The following SOX5 variants were observed in gnomAD, a reference collection of about 807,000 sequenced individuals.
The protein encoded by SOX5 is SRY-box transcription factor 5.
Under a neutral mutation model 92.0 loss-of-function variants are expected in SOX5, and 9 were observed. The ratio of observed to expected loss-of-function variants is 0.10; its 90% CI spans 0.06 to 0.17. The LOEUF is 0.17. Among genes scored for constraint, SOX5 ranks in the 10% least tolerant of loss-of-function variants. The pLI, the probability that SOX5 is intolerant of heterozygous loss-of-function variation, is 1.00. For synonymous variants in SOX5, 344 were observed against 336.3 expected (o/e 1.02, Z -0.25); for missense variants, 642 against 944.5 (o/e 0.68, Z 4.20).
intron 4 of SOX5, among the ~76,000 whole-genome samples, chr12:24,074,630 C>CAAAAAAAAAAAAA (rs76320418): frequency 3.3e-4 from 17 of 51,274 alleles, no homozygotes; most frequent in African/African-American, 6.0e-4. Flanking sequence ...TGTAAACTAC[C>CAAAAAAAAAAAAA]AAAAAAAAAA....
chr12:23,970,442 C>G (rs1948093734), intron 4 of SOX5, among the ~76,000 whole-genome samples: 1 of 152,056 alleles, frequency 6.6e-6, no homozygotes, highest in African/African-American at 2.4e-5. Flanking sequence ...TAAGGAATAA[C>G]ACCCCATTCT....
chr12:24,287,873 A>T (rs1946097746), intron 2 of SOX5, among the ~76,000 whole-genome samples: 1 of 152,072 alleles, frequency 6.6e-6, no homozygotes, highest in African/African-American at 2.4e-5. Context: ...ATGCAGCAGG[A>T]AACAGGCAAG....
intron 9 of SOX5, among the ~76,000 whole-genome samples, chr12:23,580,759 C>A (rs1158427067): frequency 1.3e-5 from 2 of 151,974 alleles, no homozygotes; most frequent in East Asian, 1.9e-4. Flanking sequence ...TGTCTGAAAG[C>A]TAACATCTCA....
chr12:23,626,360 T>C (rs966605391), intron 8 of SOX5, among the ~76,000 whole-genome samples: 2 of 152,196 alleles, frequency 1.3e-5, no homozygotes, highest in African/African-American at 4.8e-5. Context: ...ATGTTCTTAA[T>C]GTTCTTAGGT....
At chr12:24,039,607 T>C (rs1956338629) in intron 4 of SOX5, among the ~76,000 whole-genome samples, 1 of 152,220 alleles carries the variant, frequency 6.6e-6, no homozygotes. Flanking sequence ...AAAGTTCAAA[T>C]GGTTGCAAAA....
chr12:23,947,680 T>A (rs774865169), intron 1 of SOX5, among the ~76,000 whole-genome samples: 1 of 150,990 alleles, frequency 6.6e-6, no homozygotes, highest in Non-Finnish European at 1.5e-5. Flanking sequence ...ATTAGCTAGT[T>A]AGAAAAGCAT....
At chr12:24,370,742 A>T (rs1956657645) in intron 1 of SOX5, among the ~76,000 whole-genome samples, 1 of 152,232 alleles carries the variant, frequency 6.6e-6, no homozygotes, top group Non-Finnish European at 1.5e-5. Context: ...CAGTGAGCCG[A>T]GATCGTGCCA....
intron 4 of SOX5, among the ~76,000 whole-genome samples, chr12:24,205,119 C>T (rs1232978751): frequency 6.6e-6 from 1 of 152,086 alleles, no homozygotes; most frequent in Non-Finnish European, 1.5e-5. Context: ...AAGATTAAGC[C>T]GTGCCTTCTT....
intron 2 of SOX5, among the ~76,000 whole-genome samples, chr12:24,322,630 A>G (rs561023243): frequency 1.7e-4 from 26 of 152,256 alleles, no homozygotes; most frequent in Non-Finnish European, 3.5e-4. Context: ...TCTCACAAAC[A>G]TTATACTGAA....
chr12:24,521,194 A>T lies in SOX5; in HGVS notation c.-251+41135T>A, dbSNP rs571924541. The stretch of plus-strand genomic sequence containing the variant: ...CTCAGCCTCCCAAGTAGCTGGGATT[A>T]CAGGCGTTTGCCACCACACCCGGAT... On this transcript the variant is annotated intron_variant, in intron 1 of 4. Coordinates refer to the SOX5 transcript ENST00000446891. Among the ~76,000 whole-genome samples the T allele has an allele frequency of 2.0e-4, 30 of 152,190 alleles. 1 individual carries two copies. The highest frequency in any genetic ancestry group is 3.5e-4 in the Non-Finnish European group (24 of 68,038).
intron 1 of SOX5, among the ~76,000 whole-genome samples, chr12:24,489,611 A>G (rs986138906): frequency 2.1e-5 from 3 of 145,144 alleles, no homozygotes; most frequent in African/African-American, 7.8e-5. Context: ...ATGCTTCCAA[A>G]TAGCCAGGAA....
At chr12:24,354,890 T>C (rs1199056592) in intron 2 of SOX5, among the ~76,000 whole-genome samples, 2 of 152,182 alleles carry the variant, frequency 1.3e-5, no homozygotes, top group African/African-American at 4.8e-5. Flanking sequence ...TCAAGGATGC[T>C]TAAATCAAAC....
intron 1 of SOX5, among the ~76,000 whole-genome samples, chr12:23,900,640 T>C (rs755208535): frequency 6.6e-6 from 1 of 152,154 alleles, no homozygotes; most frequent in Non-Finnish European, 1.5e-5. Context: ...ATGATTTTAA[T>C]ACACAGTCAA....
intron 4 of SOX5, among the ~76,000 whole-genome samples, chr12:23,956,078 C>G (rs1946246703): frequency 6.6e-6 from 1 of 151,936 alleles, no homozygotes; most frequent in African/African-American, 2.4e-5. Context: ...AGAGTTAAAC[C>G]TGAGGTAAGT....
chr12:23,535,464 T>A (rs1940160961), intron 14 of SOX5, among the ~76,000 whole-genome samples: 1 of 152,256 alleles, frequency 6.6e-6, no homozygotes, highest in Admixed American at 6.5e-5. Flanking sequence ...AATAACTTTT[T>A]AACAAGAGAC....
chr12:24,050,465 A>C (rs1957460177), intron 4 of SOX5, among the ~76,000 whole-genome samples: 1 of 152,160 alleles, frequency 6.6e-6, no homozygotes, highest in South Asian at 2.1e-4. Flanking sequence ...GATTACTTAA[A>C]AAAACTACGA....
chr12:24,407,017 A>C (rs1468503793), intron 1 of SOX5, among the ~76,000 whole-genome samples: 1 of 152,174 alleles, frequency 6.6e-6, no homozygotes, highest in Non-Finnish European at 1.5e-5. Context: ...TCCAGGACTT[A>C]AGCGGCCTTG....
intron 2 of SOX5, among the ~76,000 whole-genome samples, chr12:24,329,985 T>A (rs1159487715): frequency 1.3e-5 from 2 of 152,200 alleles, no homozygotes; most frequent in African/African-American, 4.8e-5. Context: ...ATCGTGCCAT[T>A]GCCCTCCAGC....
chr12:23,672,617 T>G (rs1413493326), intron 6 of SOX5, among the ~76,000 whole-genome samples: 1 of 152,108 alleles, frequency 6.6e-6, no homozygotes, highest in African/African-American at 2.4e-5. Flanking sequence ...TACCTCCACT[T>G]TATTTCCTTC....
Sources: allele counts gnomAD v4.1 joint callset (sites outside exome capture counted in the v4.1 genomes callset), GRCh38; gene constraint gnomAD v4.1.1; transcripts MANE v1.5; gene names NCBI Gene and HGNC (gene_info 2026-07-23, HGNC 2026-07-21).